The following AMZ2 variants were observed in gnomAD, a reference collection of about 807,000 sequenced individuals.
AMZ2 encodes archaemetzincin-2.
AMZ2 carries 26 observed loss-of-function variants against 36.7 expected under a neutral mutation model. That is an observed-to-expected ratio of 0.71 (90% CI 0.52 to 0.98). The LOEUF (loss-of-function observed/expected upper bound fraction) is 0.98, where lower values mean the gene tolerates loss of function less well. Among genes scored for constraint, AMZ2 ranks in the 50% least tolerant of loss-of-function variants. The pLI is 0.00. For synonymous variants in AMZ2, 144 were observed against 149.1 expected (o/e 0.97, Z 0.25); for missense variants, 394 against 430.5 (o/e 0.92, Z 0.75).
chr17:68,250,719 C>T (rs2074390352), intron 2 of AMZ2, 75 bp from the exon 3 acceptor site: 1 of 1,371,714 alleles, frequency 7.3e-7, no homozygotes, highest in Admixed American at 2.5e-5. Context: ...TAATTTGAAT[C>T]TTCTTACTCA....
At chr17:68,208,447 T>C (rs1159148803) in intron 1 of AMZ2, among the ~76,000 whole-genome samples, 1 of 152,106 alleles carries the variant, frequency 6.6e-6, no homozygotes, top group Non-Finnish European at 1.5e-5. Context: ...GCTAATCTAG[T>C]GGGGAGGTGG....
intron 1 of AMZ2, among the ~76,000 whole-genome samples, chr17:68,237,894 A>G (rs2073823402): frequency 6.6e-6 from 1 of 152,194 alleles, no homozygotes; most frequent in South Asian, 2.1e-4. Flanking sequence ...AAAGTCTAAA[A>G]GGACACAGAG....
At chr17:68,249,059 A>C in intron 1 of AMZ2, 1 of 1,185,290 alleles carries the variant, frequency 8.4e-7, no homozygotes, top group South Asian at 4.2e-5. Context: ...TGAAAGCTCT[A>C]TATAGGAACA....
At chr17:68,251,295 T>A in intron 4 of AMZ2, 117 bp downstream of exon 4, 1 of 968,532 alleles carries the variant, frequency 1.0e-6, no homozygotes, top group Non-Finnish European at 1.4e-6. Flanking sequence ...ATATTTTCAG[T>A]TGAGACATTA....
In AMZ2 at chr17:68,254,036, C is replaced by T. The variant is rs1735994838; in HGVS notation, c.587-368C>T. Among the ~76,000 whole-genome samples the T allele has an allele frequency of 2.0e-5, 3 of 152,160 alleles. No individual in the cohort carries two copies. In the South Asian group the frequency reaches 6.2e-4, roughly 31 times the overall value. On this transcript the variant is annotated intron_variant, in intron 4 of 6. Coordinates refer to ENST00000359904, the MANE Select transcript of AMZ2 (RefSeq NM_016627.5). The stretch of plus-strand genomic sequence containing the variant: ...CTAGGATTACAATCGTGAGCCACCA[C>T]GCCCAACCCATGTGGTTATTTTTTA...
In AMZ2 at chr17:68,248,212, G is replaced by A; in HGVS notation, c.-494G>A. 1 of 985,968 alleles carries A rather than the reference G, an allele frequency of 1.0e-6. No homozygotes were observed. Among genetic ancestry groups the A allele is most frequent in the Non-Finnish European group, 1.2e-6 (1 of 830,270 alleles). 61.1% of individuals were successfully genotyped at this position (985,968 alleles called of 1,614,324 possible). A position where few individuals can be genotyped will look rare whatever the true frequency, so the allele number is the denominator to read the frequency against. ...CCGGTCGCGGTCGGTGGAGCGGGATGAGGATGTAGGAGGGGCGGACGTGGC... is the reference window on the plus strand; with the variant it reads ...CCGGTCGCGGTCGGTGGAGCGGGATAAGGATGTAGGAGGGGCGGACGTGGC... On this transcript the variant is annotated 5_prime_UTR_variant, in exon 1 of 7. The change abolishes an upstream ATG in the 5' untranslated region. Coordinates refer to ENST00000359904, the MANE Select transcript of AMZ2 (RefSeq NM_016627.5).
chr17:68,237,449 G>T (rs2073814026), intron 1 of AMZ2, among the ~76,000 whole-genome samples: 1 of 152,010 alleles, frequency 6.6e-6, no homozygotes, highest in Admixed American at 6.6e-5. Context: ...CCACGCAAGT[G>T]TCATCTCTGA....
intron 1 of AMZ2, among the ~76,000 whole-genome samples, chr17:68,211,748 ATATATG>A (rs1160511241): frequency 6.8e-6 from 1 of 146,846 alleles, no homozygotes; most frequent in African/African-American, 2.5e-5. Flanking sequence ...GTGTATATGT[ATATATG>A]TATATGTATA....
intron 1 of AMZ2, among the ~76,000 whole-genome samples, chr17:68,238,703 C>T (rs1285564369): frequency 1.3e-5 from 2 of 152,124 alleles, no homozygotes; most frequent in African/African-American, 4.8e-5. Flanking sequence ...CCCCAAAGGC[C>T]TTACTGACTG....
At chr17:68,208,565 G>T (rs868911856) in intron 1 of AMZ2, among the ~76,000 whole-genome samples, 2 of 152,104 alleles carry the variant, frequency 1.3e-5, no homozygotes, top group African/African-American at 4.8e-5. Flanking sequence ...ATTTTGAGTG[G>T]GGCCTGATAA....
intron 1 of AMZ2, among the ~76,000 whole-genome samples, chr17:68,228,109 G>A (rs7214388): frequency 0.23 from 34,135 of 151,666 alleles, 4,414 homozygotes; most frequent in African/African-American, 0.36. Flanking sequence ...TCCCCTAGCC[G>A]CCCACACATC....
intron 1 of AMZ2, among the ~76,000 whole-genome samples, chr17:68,233,992 A>G (rs1555731960): frequency 1.3e-5 from 2 of 152,146 alleles, no homozygotes; most frequent in African/African-American, 4.8e-5. Flanking sequence ...GATTGCTACT[A>G]CAGCAAATCG....
chr17:68,213,520 G>T (rs2073118756), intron 1 of AMZ2, among the ~76,000 whole-genome samples: 1 of 152,166 alleles, frequency 6.6e-6, no homozygotes, highest in Non-Finnish European at 1.5e-5. Context: ...GCTGTCGAGA[G>T]GTCTGAATCC....
At chr17:68,217,966 T>C (rs539815593) in intron 1 of AMZ2, among the ~76,000 whole-genome samples, 87 of 152,096 alleles carry the variant, frequency 5.7e-4, no homozygotes, top group African/African-American at 1.8e-3. Flanking sequence ...GCGCCCGCCA[T>C]CACGCCCACC....
chr17:68,247,878 G>A (rs1204199879), upstream of AMZ2: 245 of 985,436 alleles, frequency 2.5e-4, no homozygotes, highest in Non-Finnish European at 2.4e-4. Flanking sequence ...TGGAAGAGGC[G>A]GGTCGCGGCC....
chr17:68,238,737 C>T (rs2073843841), intron 1 of AMZ2, among the ~76,000 whole-genome samples: 1 of 152,066 alleles, frequency 6.6e-6, no homozygotes, highest in South Asian at 2.1e-4. Context: ...AGCATGACTG[C>T]TGATAAGCAT....
chr17:68,211,700 G>GTA (rs1238555266), intron 1 of AMZ2, among the ~76,000 whole-genome samples: 1,502 of 125,192 alleles, frequency 0.012, 40 homozygotes, highest in Non-Finnish European at 0.019. Context: ...GTATATATAT[G>GTA]TATATATGTA....
At chr17:68,247,985 ACGCAGCGGCGCGG>A, upstream of AMZ2, 3 of 985,520 alleles carry the variant, frequency 3.0e-6, no homozygotes, top group Non-Finnish European at 3.6e-6. Flanking sequence ...GGCGTGCGCG[ACGCAGCGGCGCGG>A]CGCGTGGCGT....
chr17:68,236,202 A>G, intron 1 of AMZ2, among the ~76,000 whole-genome samples: 1 of 152,256 alleles, frequency 6.6e-6, no homozygotes, highest in South Asian at 2.1e-4. Flanking sequence ...TCTTAAAAAA[A>G]TGTTTTAAAA....
Sources: gnomAD v4.1 joint callset for allele counts (sites outside exome capture counted in the v4.1 genomes callset) on GRCh38, gnomAD v4.1.1 for gene constraint, MANE v1.5 for transcripts, NCBI Gene and HGNC (gene_info 2026-07-23, HGNC 2026-07-21) for gene names.